DGKI: variants seen among roughly 807,000 people sequenced by gnomAD.
DGKI encodes DAG kinase iota.
Under a neutral mutation model 147.5 loss-of-function variants are expected in DGKI, and 55 were observed. The ratio of observed to expected loss-of-function variants is 0.37; its 90% CI spans 0.30 to 0.47. DGKI has a LOEUF of 0.47. DGKI is among the 20% of genes least tolerant of loss of function. The pLI is 1.00. For missense variants in DGKI, 1,007 were observed against 1,323.8 expected, an observed-to-expected ratio of 0.76 and a Z score of 3.71; for synonymous variants, 469 against 477.1, an observed-to-expected ratio of 0.98 and a Z score of 0.22.
chr7:137,532,033 A>AG (rs1232482408), intron 20 of DGKI, among the ~76,000 whole-genome samples: 1 of 4,680 alleles, frequency 2.1e-4, no homozygotes, highest in Non-Finnish European at 5.6e-4. Flanking sequence ...ACAAACCAAT[A>AG]GAAAAAAAAA....
At chr7:137,649,074 T>A (rs1203229172) in intron 5 of DGKI, among the ~76,000 whole-genome samples, 1 of 152,142 alleles carries the variant, frequency 6.6e-6, no homozygotes, top group Non-Finnish European at 1.5e-5. Context: ...TTAGGCCCAA[T>A]ATAAATTTAT....
At chr7:137,611,267 G>C (rs1820353965) in intron 8 of DGKI, among the ~76,000 whole-genome samples, 1 of 152,136 alleles carries the variant, frequency 6.6e-6, no homozygotes, top group Admixed American at 6.5e-5. Context: ...GTATGTATTT[G>C]GTGTCAATTA....
At chr7:137,455,334 A>C (rs1298134684) in intron 27 of DGKI, among the ~76,000 whole-genome samples, 2 of 152,158 alleles carry the variant, frequency 1.3e-5, no homozygotes, top group Non-Finnish European at 2.9e-5. Context: ...TCTGTGAAAA[A>C]AAATATAATG....
chr7:137,577,115 A>G, intron 17 of DGKI, 107 bp downstream of exon 17: 3 of 795,118 alleles, frequency 3.8e-6, no homozygotes, highest in Non-Finnish European at 6.3e-6. Flanking sequence ...ATGATCTCCA[A>G]AGTTCTATGC....
chr7:137,552,645 A>G, intron 19 of DGKI, 77 bp from the exon 20 acceptor site: 2 of 1,481,254 alleles, frequency 1.4e-6, no homozygotes, highest in Non-Finnish European at 1.8e-6. Flanking sequence ...GCTGTGGCTC[A>G]TGCCTGTAAT....
rs376783774 is a variant in DGKI at position 137,383,588 on chromosome 7, G to C, written c.*7632C>G. ...AATTAAAGATATGCCTTTGATCTCTGAGTTAGTTGTTCAATCTTCACTTAA... is the reference window on the plus strand; with the variant it reads ...AATTAAAGATATGCCTTTGATCTCTCAGTTAGTTGTTCAATCTTCACTTAA... On this transcript the variant is annotated 3_prime_UTR_variant, in exon 33 of 33. Coordinates refer to ENST00000614521, the MANE Select transcript of DGKI (RefSeq NM_001321708.2). 6.6e-6 allele frequency: 1 copy of C among 151,842 alleles called. No homozygotes were observed. Among genetic ancestry groups the C allele is most frequent in the South Asian group, 2.1e-4 (1 of 4,820 alleles). 9.4% of individuals were successfully genotyped at this position (151,842 alleles called of 1,614,324 possible). A position where few individuals can be genotyped will look rare whatever the true frequency, so the allele number is the denominator to read the frequency against.
At chr7:137,753,860 G>C (rs540040568) in intron 1 of DGKI, among the ~76,000 whole-genome samples, 1 of 152,200 alleles carries the variant, frequency 6.6e-6, no homozygotes, top group South Asian at 2.1e-4. Flanking sequence ...AGCTCCTACA[G>C]AGCAGCCCCA....
intron 1 of DGKI, among the ~76,000 whole-genome samples, chr7:137,843,756 T>C (rs1395088409): frequency 7.3e-4 from 101 of 137,896 alleles, no homozygotes; most frequent in Middle Eastern, 3.7e-3. Flanking sequence ...GAGACCCCCC[T>C]ACACACACAC....
chr7:137,661,457 G>A (rs1010502848), intron 3 of DGKI, among the ~76,000 whole-genome samples: 20 of 152,080 alleles, frequency 1.3e-4, no homozygotes, highest in Non-Finnish European at 2.6e-4. Context: ...AGTGCATAAG[G>A]GGGCAGATGG....
chr7:137,717,534 G>A lies in DGKI; in HGVS notation c.402-27532C>T, dbSNP rs978535103. ...GGCATAAACATATGTCTGTCTGTCC[G>A]TTTACAACTGAAAGCAGGTAGCACT... On this transcript the variant is annotated intron_variant, in intron 1 of 32. Transcript: ENST00000614521. Among the ~76,000 whole-genome samples the A allele has an allele frequency of 6.6e-5, 10 of 152,180 alleles. No individual in the cohort carries two copies. The East Asian group carries it at 1.4e-3, about 21-fold the overall frequency.
Position 137,455,914 on chromosome 7 carries a change from T to G in DGKI, c.2735+7575A>C, listed in dbSNP as rs990660281. 3.9e-5 allele frequency among the ~76,000 whole-genome samples: 6 copies of G among 152,318 alleles called. No individual in the cohort carries two copies. The East Asian group carries it at 9.6e-4, about 24-fold the overall frequency. ...AGCAACTTGAGATTTGCAAGCGAAT[T>G]TTTTTGAAAATATTTCAAAATGATC... On this transcript the variant is annotated intron_variant, in intron 27 of 32. Coordinates refer to ENST00000614521, the MANE Select transcript of DGKI (RefSeq NM_001321708.2).
At chr7:137,559,789 C>T (rs1314142102) in intron 19 of DGKI, among the ~76,000 whole-genome samples, 2 of 151,702 alleles carry the variant, frequency 1.3e-5, no homozygotes, top group Admixed American at 6.6e-5. Context: ...ATTCATGATG[C>T]GGTTTGAGAA....
chr7:137,462,243 C>A (rs1014354810), intron 27 of DGKI, among the ~76,000 whole-genome samples: 7 of 152,110 alleles, frequency 4.6e-5, no homozygotes, highest in African/African-American at 1.7e-4. Context: ...AGATAAATGG[C>A]CACTTTTTTA....
intron 27 of DGKI, among the ~76,000 whole-genome samples, chr7:137,446,735 A>C (rs1208089293): frequency 6.6e-6 from 1 of 152,192 alleles, no homozygotes; most frequent in Non-Finnish European, 1.5e-5. Context: ...TCAAAAAAGA[A>C]AGAAAGAAAG....
intron 5 of DGKI, among the ~76,000 whole-genome samples, chr7:137,650,877 CAA>C (rs36045719): frequency 6.6e-6 from 1 of 152,104 alleles, no homozygotes; most frequent in African/African-American, 2.4e-5. Context: ...AACAGTCACG[CAA>C]AGAGATTTTC....
intron 1 of DGKI, among the ~76,000 whole-genome samples, chr7:137,784,043 A>G (rs1054667467): frequency 6.6e-6 from 1 of 152,200 alleles, no homozygotes; most frequent in African/African-American, 2.4e-5. Flanking sequence ...CAGTACCTAT[A>G]TAACAATAAC....
chr7:137,405,384 G>A (rs368198324), intron 30 of DGKI, among the ~76,000 whole-genome samples: 1 of 152,180 alleles, frequency 6.6e-6, no homozygotes, highest in East Asian at 1.9e-4. Context: ...CTGGGACTAT[G>A]GGCCCACCAT....
intron 28 of DGKI, among the ~76,000 whole-genome samples, chr7:137,426,285 T>C (rs1804418578): frequency 6.6e-6 from 1 of 152,194 alleles, no homozygotes; most frequent in African/African-American, 2.4e-5. Flanking sequence ...CAGAATTTCA[T>C]ATCCAGCCAA....
At chr7:137,559,062 CTTTTTT>C (rs71177910) in intron 19 of DGKI, among the ~76,000 whole-genome samples, 1 of 83,614 alleles carries the variant, frequency 1.2e-5, no homozygotes, top group Non-Finnish European at 2.2e-5. Context: ...ACCTACAATT[CTTTTTT>C]TTTTTTTTTT....
Sources: allele counts gnomAD v4.1 joint callset (sites outside exome capture counted in the v4.1 genomes callset), GRCh38; gene constraint gnomAD v4.1.1; transcripts MANE v1.5; gene names NCBI Gene and HGNC (gene_info 2026-07-23, HGNC 2026-07-21).